The following NKAIN2 variants were observed in gnomAD, a reference collection of about 807,000 sequenced individuals.
NKAIN2 encodes the protein sodium/potassium transporting ATPase interacting 2.
A neutral mutation model predicts 32.6 loss-of-function variants in NKAIN2; 14 were observed. That is an observed-to-expected ratio of 0.43 (90% CI 0.28 to 0.67). NKAIN2 has a LOEUF of 0.67. Among genes scored for constraint, NKAIN2 ranks in the 30% least tolerant of loss-of-function variants. The probability of loss-of-function intolerance (pLI) is 0.17; values close to 1 mark genes in which losing one functional copy is unlikely to be tolerated. For missense variants in NKAIN2, 198 were observed against 258.3 expected (o/e 0.77, Z 1.60); for synonymous variants, 80 against 87.2 (o/e 0.92, Z 0.46).
chr6:123,975,722 GCCCTTTATAAAGGCA>G (rs1373707745), intron 1 of NKAIN2, among the ~76,000 whole-genome samples: 1 of 152,034 alleles, frequency 6.6e-6, no homozygotes, highest in Non-Finnish European at 1.5e-5. Context: ...GAGTCTCTTA[GCCCTTTATAAAGGCA>G]CCAATCCCAT....
At chr6:124,803,700 T>G (rs559516947) in intron 5 of NKAIN2, among the ~76,000 whole-genome samples, 1 of 152,332 alleles carries the variant, frequency 6.6e-6, no homozygotes, top group African/African-American at 2.4e-5. Flanking sequence ...CGTGGATGTC[T>G]TCTACACTTT....
chr6:124,438,958 C>T (rs1369145243), intron 3 of NKAIN2, among the ~76,000 whole-genome samples: 1 of 152,114 alleles, frequency 6.6e-6, no homozygotes, highest in Non-Finnish European at 1.5e-5. Context: ...TTCCTTTATT[C>T]ACACTATCCA....
chr6:124,399,816 C>T (rs1384452241), intron 3 of NKAIN2, among the ~76,000 whole-genome samples: 1 of 152,122 alleles, frequency 6.6e-6, no homozygotes, highest in East Asian at 1.9e-4. Context: ...GACAAGGGAT[C>T]ATTAGGGAGA....
rs551252263 is a variant in NKAIN2, at chr6:124,017,035, C to T, written c.54+212781C>T. 2.5e-4 allele frequency among the ~76,000 whole-genome samples: 38 copies of T among 152,262 alleles called. No individual in the cohort carries two copies. In the South Asian group the frequency reaches 4.3e-3, roughly 17 times the overall value. Reference sequence around the variant, plus strand: ...TAGTAAAAACATATCTGAGACTAGGCAGTTTATAAAGGAAAGAGATTTAAT... The same window carrying T: ...TAGTAAAAACATATCTGAGACTAGGTAGTTTATAAAGGAAAGAGATTTAAT... On this transcript the variant is annotated intron_variant, in intron 1 of 6. Coordinates refer to ENST00000368417, the MANE Select transcript of NKAIN2 (RefSeq NM_001040214.3).
intron 1 of NKAIN2, among the ~76,000 whole-genome samples, chr6:124,061,048 T>C (rs1035240723): frequency 6.6e-6 from 1 of 152,188 alleles, no homozygotes; most frequent in African/African-American, 2.4e-5. Flanking sequence ...TAAGTGTTCA[T>C]GTGATTTGAT....
intron 3 of NKAIN2, among the ~76,000 whole-genome samples, chr6:124,434,604 T>C (rs924860777): frequency 5.3e-5 from 8 of 152,208 alleles, no homozygotes; most frequent in Non-Finnish European, 7.3e-5. Flanking sequence ...ATTTTGTTTG[T>C]CTTTCTACTG....
chr6:124,367,085 A>G (rs1799552255), intron 3 of NKAIN2, among the ~76,000 whole-genome samples: 1 of 152,116 alleles, frequency 6.6e-6, no homozygotes, highest in Non-Finnish European at 1.5e-5. Flanking sequence ...ACCACACATC[A>G]TCGTTATGCA....
At chr6:124,490,474 A>G in intron 3 of NKAIN2, 1 of 368,108 alleles carries the variant, frequency 2.7e-6, no homozygotes, top group South Asian at 2.2e-5. Context: ...ATATCACATT[A>G]ATAGCTAATG....
rs35928058 is a variant in NKAIN2, at chr6:123,900,199, C to T, written c.54+95945C>T. Among the ~76,000 whole-genome samples the T allele has an allele frequency of 8.4e-3, 1,279 of 152,202 alleles. 8 individuals are homozygous for T. The highest frequency in any genetic ancestry group is 0.014 in the Non-Finnish European group (934 of 68,002). ...TACACGATGAAAAACAGGATGGATG[C>T]GGTGGCTCATGTCTGTAATCCCAGC... On this transcript the variant is annotated intron_variant, in intron 1 of 6. Coordinates refer to ENST00000368417, the MANE Select transcript of NKAIN2 (RefSeq NM_001040214.3).
At chr6:124,055,289 T>A (rs1245701257) in intron 1 of NKAIN2, among the ~76,000 whole-genome samples, 1 of 152,114 alleles carries the variant, frequency 6.6e-6, no homozygotes, top group Non-Finnish European at 1.5e-5. Context: ...ATTTTAAATA[T>A]AATAGCTCTA....
chr6:124,262,445 T>G (rs1035658327), intron 1 of NKAIN2, among the ~76,000 whole-genome samples: 1 of 152,108 alleles, frequency 6.6e-6, no homozygotes, highest in African/African-American at 2.4e-5. Flanking sequence ...ATAAAGAGCT[T>G]GAAGAGTGGA....
chr6:124,467,434 A>C (rs1034385091), intron 3 of NKAIN2, among the ~76,000 whole-genome samples: 3 of 152,134 alleles, frequency 2.0e-5, no homozygotes, highest in African/African-American at 7.2e-5. Flanking sequence ...ATGAAAGAAA[A>C]GACTTCACTA....
intron 2 of NKAIN2, among the ~76,000 whole-genome samples, chr6:124,302,312 T>C (rs1796322393): frequency 6.6e-6 from 1 of 152,252 alleles, no homozygotes; most frequent in Non-Finnish European, 1.5e-5. Flanking sequence ...CTTTATTAGC[T>C]GTGTGAGAAC....
chr6:124,145,737 C>T (rs971490176), intron 1 of NKAIN2, among the ~76,000 whole-genome samples: 4 of 152,004 alleles, frequency 2.6e-5, no homozygotes, highest in African/African-American at 4.8e-5. Context: ...GATCTCATGA[C>T]CTCGTGATCC....
At chr6:124,301,610 G>T (rs1562480037) in intron 2 of NKAIN2, among the ~76,000 whole-genome samples, 1 of 152,224 alleles carries the variant, frequency 6.6e-6, no homozygotes, top group East Asian at 1.9e-4. Flanking sequence ...CAGGGTCAGA[G>T]CTGCCCAAGA....
chr6:123,983,634 C>G (rs1350169206), intron 1 of NKAIN2, among the ~76,000 whole-genome samples: 1 of 152,076 alleles, frequency 6.6e-6, no homozygotes, highest in Non-Finnish European at 1.5e-5. Flanking sequence ...CCCACTATTT[C>G]CACACTACCC....
At chr6:124,323,922 G>A (rs1181640063) in intron 2 of NKAIN2, among the ~76,000 whole-genome samples, 1 of 151,526 alleles carries the variant, frequency 6.6e-6, no homozygotes, top group Non-Finnish European at 1.5e-5. Flanking sequence ...CGAGGAGCTG[G>A]GACTACAGGC....
rs946306669 is a variant in NKAIN2 at position 123,804,064 on chromosome 6, C to G, written c.-137C>G. ...CTAATGCCTGTCACTTCCCAGGACG[C>G]TGGCAGCAGCAGCAGCCCGGAGCCC... On this transcript the variant is annotated 5_prime_UTR_variant, in exon 1 of 7. Transcript: ENST00000368417. 10 of 827,680 alleles carry G rather than the reference C, an allele frequency of 1.2e-5. No homozygotes were observed. Among genetic ancestry groups the G allele is most frequent in the Non-Finnish European group, 2.1e-5 (10 of 474,334 alleles). 51.3% of individuals were successfully genotyped at this position (827,680 alleles called of 1,614,324 possible).
chr6:124,125,576 A>G (rs1401812012), intron 1 of NKAIN2, among the ~76,000 whole-genome samples: 1 of 152,202 alleles, frequency 6.6e-6, no homozygotes. Context: ...TGAATAAAAA[A>G]CAGCATTCTA....
Sources: allele counts gnomAD v4.1 joint callset (sites outside exome capture counted in the v4.1 genomes callset), GRCh38; gene constraint gnomAD v4.1.1; transcripts MANE v1.5; gene names NCBI Gene and HGNC (gene_info 2026-07-23, HGNC 2026-07-21).